Variants in RBFOX1 observed in about 807,000 individuals in gnomAD.
RBFOX1 encodes RNA binding protein fox-1 homolog 1.
RBFOX1 carries 8 observed loss-of-function variants against 57.7 expected under a neutral mutation model. The ratio of observed to expected loss-of-function variants is 0.14; its 90% CI spans 0.08 to 0.25. The LOEUF is 0.25. Among genes scored for constraint, RBFOX1 ranks in the 10% least tolerant of loss-of-function variants. RBFOX1 has a pLI of 1.00. For synonymous variants in RBFOX1, 326 were observed against 222.4 expected, an observed-to-expected ratio of 1.47 and a Z score of -4.15; for missense variants, 611 against 548.5, an observed-to-expected ratio of 1.11 and a Z score of -1.14.
At chr16:6,894,038 G>T (rs2066161042) in intron 3 of RBFOX1, among the ~76,000 whole-genome samples, 1 of 152,102 alleles carries the variant, frequency 6.6e-6, no homozygotes, top group South Asian at 2.1e-4. Flanking sequence ...CTTTATATGG[G>T]TTTTCTTCCT....
intron 4 of RBFOX1, among the ~76,000 whole-genome samples, chr16:7,476,735 C>T (rs933140182): frequency 1.3e-5 from 2 of 152,142 alleles, no homozygotes; most frequent in Non-Finnish European, 2.9e-5. Context: ...TGCTCTGTAT[C>T]CTTGCAAATC....
chr16:6,827,570 T>A (rs1355152997), intron 3 of RBFOX1, among the ~76,000 whole-genome samples: 1 of 152,132 alleles, frequency 6.6e-6, no homozygotes, highest in Non-Finnish European at 1.5e-5. Context: ...AAAATAAAAC[T>A]GAAATCCGTC....
intron 5 of RBFOX1, among the ~76,000 whole-genome samples, chr16:7,535,786 C>T (rs1262333346): frequency 6.6e-6 from 1 of 152,214 alleles, no homozygotes; most frequent in East Asian, 1.9e-4. Flanking sequence ...TAATATTTGG[C>T]ATAAAGCTAT....
rs544910702 is a variant in RBFOX1, at chr16:6,832,756, C to T, written c.-16+178106C>T. ...TCTTTGCAGCTCTCTGTAACTGTCCCTACCTGTTTGAGCTGCCAGGCTTGT... is the reference window on the plus strand; with the variant it reads ...TCTTTGCAGCTCTCTGTAACTGTCCTTACCTGTTTGAGCTGCCAGGCTTGT... On this transcript the variant is annotated intron_variant, in intron 3 of 15. Coordinates refer to ENST00000550418, the MANE Select transcript of RBFOX1 (RefSeq NM_018723.4). Among the ~76,000 whole-genome samples the T allele has an allele frequency of 1.6e-4, 24 of 152,286 alleles. No homozygotes were observed. The East Asian group carries it at 3.3e-3, about 21-fold the overall frequency.
rs551894555 is a variant in RBFOX1, at chr16:7,399,777, A to G, written c.28-118370A>G. ...TACATCTGCAAAGACCCTCTTCCCA[A>G]ATAAGGTCATAGTCACAGGCACGAG... On this transcript the variant is annotated intron_variant, in intron 4 of 15. Coordinates refer to ENST00000550418, the MANE Select transcript of RBFOX1 (RefSeq NM_018723.4). Among the ~76,000 whole-genome samples the G allele has an allele frequency of 2.0e-5, 3 of 152,308 alleles. No individual in the cohort carries two copies. The East Asian group carries it at 5.8e-4, about 29-fold the overall frequency.
At position 6,866,541 on chromosome 16, in the gene RBFOX1, A is replaced by ATTTTTTTTTTTTTTTTTTTT. The variant is rs56678526; in HGVS notation, c.-15-185498_-15-185497insTTTTTTTTTTTTTTTTTTTT. Among the ~76,000 whole-genome samples the ATTTTTTTTTTTTTTTTTTTT allele has an allele frequency of 1.9e-4, 15 of 78,878 alleles. 2 individuals carry two copies. The highest frequency in any genetic ancestry group is 1.2e-3 in the South Asian group (2 of 1,730). 51.7% of individuals were successfully genotyped at this position (78,878 alleles called of 152,430 possible). On this transcript the variant is annotated intron_variant, in intron 3 of 15. Coordinates refer to ENST00000550418, the MANE Select transcript of RBFOX1 (RefSeq NM_018723.4). ...TAAGGTTAGGGCTTTCTTTCCTTCT[A>ATTTTTTTTTTTTTTTTTTTT]TTTTTTTTTTTTTTTTTTGAGTTGG...
At chr16:7,384,552 A>G (rs2097846217) in intron 4 of RBFOX1, among the ~76,000 whole-genome samples, 1 of 152,186 alleles carries the variant, frequency 6.6e-6, no homozygotes, top group African/African-American at 2.4e-5. Flanking sequence ...AGTATCATTT[A>G]TCTATCCATC....
intron 4 of RBFOX1, among the ~76,000 whole-genome samples, chr16:7,121,760 G>A (rs572579692): frequency 2.6e-5 from 4 of 151,862 alleles, no homozygotes; most frequent in South Asian, 2.1e-4. Flanking sequence ...AATAAAATTA[G>A]GTGAATATAT....
At chr16:5,566,702 A>G (rs960149387) in intron 2 of RBFOX1, among the ~76,000 whole-genome samples, 38 of 152,040 alleles carry the variant, frequency 2.5e-4, no homozygotes, top group African/African-American at 9.2e-4. Context: ...ATACACATAT[A>G]TAGATATATC....
intron 4 of RBFOX1, among the ~76,000 whole-genome samples, chr16:7,074,006 A>G (rs140966681): frequency 9.8e-5 from 15 of 152,290 alleles, no homozygotes; most frequent in South Asian, 2.1e-4. Flanking sequence ...AGTCATTCCT[A>G]TTTGTTTCCA....
chr16:5,498,205 G>A (rs1441558908), intron 2 of RBFOX1, among the ~76,000 whole-genome samples: 2 of 152,198 alleles, frequency 1.3e-5, no homozygotes, highest in South Asian at 4.2e-4. Flanking sequence ...TGCAATGGCG[G>A]GATCTCGGCC....
At chr16:6,236,030 A>C (rs1474603682) in intron 1 of RBFOX1, among the ~76,000 whole-genome samples, 1 of 152,212 alleles carries the variant, frequency 6.6e-6, no homozygotes, top group Non-Finnish European at 1.5e-5. Flanking sequence ...AAAATAAAGT[A>C]GGAAAGAATG....
chr16:5,887,803 A>G (rs1221974164), intron 4 of RBFOX1, among the ~76,000 whole-genome samples: 3 of 152,174 alleles, frequency 2.0e-5, no homozygotes. Flanking sequence ...TTGTGCCAGA[A>G]TTCTGAGCAG....
chr16:7,632,320 AT>A (rs1160548627), intron 11 of RBFOX1, among the ~76,000 whole-genome samples: 5 of 152,200 alleles, frequency 3.3e-5, no homozygotes, highest in Non-Finnish European at 7.3e-5. Context: ...TTCTTTCTGA[AT>A]TTGTGACAAC....
At chr16:5,266,032 C>T (rs1011124029) in intron 1 of RBFOX1, among the ~76,000 whole-genome samples, 1 of 143,406 alleles carries the variant, frequency 7.0e-6, no homozygotes, top group Non-Finnish European at 1.5e-5. Context: ...GCTCTAAAGG[C>T]ACCAGGCTGA....
intron 2 of RBFOX1, among the ~76,000 whole-genome samples, chr16:5,567,480 C>T (rs1596305148): frequency 2.0e-5 from 3 of 152,004 alleles, no homozygotes; most frequent in Non-Finnish European, 4.4e-5. Flanking sequence ...ATGAAGCATC[C>T]AGCGGGTCAC....
At position 5,842,382 on chromosome 16, in the gene RBFOX1, C is replaced by T. The variant is rs549736865; in HGVS notation, c.319-24921C>T. On this transcript the variant is annotated intron_variant, in intron 3 of 19. Coordinates refer to the RBFOX1 transcript ENST00000641259. Reference sequence around the variant, plus strand: ...GTTCTCTCTGTGGGAAATCACAAAGCCCTTGGATTTGATTTCCATTTAAAT... The same window carrying T: ...GTTCTCTCTGTGGGAAATCACAAAGTCCTTGGATTTGATTTCCATTTAAAT... Among the ~76,000 whole-genome samples, 32 of 152,222 alleles carry T rather than the reference C, an allele frequency of 2.1e-4. No homozygotes were observed. The South Asian group carries it at 5.6e-3, about 27-fold the overall frequency.
In RBFOX1 at chr16:7,031,362, G is replaced by A. The variant is rs1428852753; in HGVS notation, c.-15-20695G>A. On this transcript the variant is annotated intron_variant, in intron 3 of 15. Transcript: ENST00000550418. ...TGTAATCTCAGCACTTTGGGAGGCC[G>A]AGGCAGGTGGATCACTTGAGGTCAG... Among the ~76,000 whole-genome samples, 6 of 152,196 alleles carry A rather than the reference G, an allele frequency of 3.9e-5. No individual in the cohort carries two copies. In the East Asian group the frequency reaches 5.8e-4, roughly 15 times the overall value.
chr16:5,742,183 C>A (rs111428360), intron 3 of RBFOX1, among the ~76,000 whole-genome samples: 57 of 151,620 alleles, frequency 3.8e-4, no homozygotes, highest in Non-Finnish European at 7.8e-4. Context: ...CATATCCGTC[C>A]TTCCCTTCCT....
Sources: allele counts gnomAD v4.1 joint callset (sites outside exome capture counted in the v4.1 genomes callset), GRCh38; gene constraint gnomAD v4.1.1; transcripts MANE v1.5; gene names NCBI Gene and HGNC (gene_info 2026-07-23, HGNC 2026-07-21).